DRC10: variants seen among roughly 807,000 people sequenced by gnomAD.
DRC10 encodes dynein regulatory complex subunit 10.
the DRC10 span, chr12:113,203,108 C>T: frequency 1.8e-5 from 8 of 438,306 alleles, no homozygotes; most frequent in Non-Finnish European, 3.2e-5. Context: ...TCCCTGCAAC[C>T]TCTGCCTTCT....
At chr12:113,195,591 C>T in the DRC10 span, 6 of 1,599,112 alleles carry the variant, frequency 3.8e-6, no homozygotes, top group Admixed American at 1.7e-5. Flanking sequence ...CTTGCCCTTG[C>T]CCTTCTCCTT....
the DRC10 span, among the ~76,000 whole-genome samples, chr12:113,206,745 A>G: frequency 1.3e-5 from 2 of 150,190 alleles, no homozygotes; most frequent in Admixed American, 1.3e-4. Context: ...ACACAGCAAG[A>G]CTCCATCTTA....
At chr12:113,195,565 G>C in the DRC10 span, 1 of 1,575,788 alleles carries the variant, frequency 6.3e-7, no homozygotes, top group Non-Finnish European at 8.6e-7. Flanking sequence ...GAGCGGGCTG[G>C]GTGGAGAGCT....
At chr12:113,202,576 G>C in the DRC10 span, among the ~76,000 whole-genome samples, 1 of 152,168 alleles carries the variant, frequency 6.6e-6, no homozygotes, top group Non-Finnish European at 1.5e-5. Context: ...TCTCTCTGCT[G>C]GGTGTGGCTA....
At chr12:113,205,679 G>A in the DRC10 span, among the ~76,000 whole-genome samples, 15 of 150,994 alleles carry the variant, frequency 9.9e-5, no homozygotes, top group Non-Finnish European at 1.9e-4. Flanking sequence ...CATGAGGTCA[G>A]GAGATCGAGA....
chr12:113,195,976 G>T, the DRC10 span: 1 of 1,491,086 alleles, frequency 6.7e-7, no homozygotes, highest in Non-Finnish European at 8.9e-7. Flanking sequence ...CTTCCCAAAT[G>T]GTCTTCTGCC....
At chr12:113,215,464 T>C in the DRC10 span, among the ~76,000 whole-genome samples, 1 of 152,242 alleles carries the variant, frequency 6.6e-6, no homozygotes, top group East Asian at 1.9e-4. Context: ...ATATGGTATA[T>C]GTTTTTGTAT....
chr12:113,218,859 G>A, the DRC10 span, among the ~76,000 whole-genome samples: 1 of 152,184 alleles, frequency 6.6e-6, no homozygotes, highest in Admixed American at 6.5e-5. Context: ...GAAATATCAT[G>A]AGTTATTTAT....
chr12:113,213,057 A>G, the DRC10 span, among the ~76,000 whole-genome samples: 2 of 152,050 alleles, frequency 1.3e-5, no homozygotes, highest in East Asian at 1.9e-4. Flanking sequence ...GAATATTTTG[A>G]GGAAAAAAAA....
the DRC10 span, chr12:113,195,883 A>G: frequency 1.3e-5 from 21 of 1,600,490 alleles, no homozygotes; most frequent in Non-Finnish European, 1.8e-5. Context: ...AGATCCTCCA[A>G]CTCCTCCTGG....
the DRC10 span, chr12:113,200,902 G>A: frequency 1.3e-5 from 13 of 994,924 alleles, no homozygotes; most frequent in East Asian, 3.2e-4. Flanking sequence ...ACTTAGGGAG[G>A]CTGAGGTGGG....
the DRC10 span, chr12:113,207,033 C>G: frequency 2.9e-6 from 1 of 343,786 alleles, no homozygotes; most frequent in South Asian, 2.3e-5. Flanking sequence ...GCACTCTAGC[C>G]TGGGCAACAG....
the DRC10 span, among the ~76,000 whole-genome samples, chr12:113,220,386 G>A: frequency 6.6e-6 from 1 of 152,098 alleles, no homozygotes; most frequent in Non-Finnish European, 1.5e-5. Context: ...CTCCCGAGTA[G>A]TTGGGATTAC....
the DRC10 span, chr12:113,195,796 CAA>C: frequency 6.2e-7 from 1 of 1,613,974 alleles, no homozygotes; most frequent in Non-Finnish European, 8.5e-7. Context: ...CGGATCTGCG[CAA>C]ACTCTCCCAC....
the DRC10 span, among the ~76,000 whole-genome samples, chr12:113,204,528 T>C: frequency 6.6e-6 from 1 of 152,272 alleles, no homozygotes; most frequent in East Asian, 1.9e-4. Context: ...ACATATTGTT[T>C]GTGGCTGCTT....
the DRC10 span, among the ~76,000 whole-genome samples, chr12:113,210,222 A>G: frequency 1.3e-5 from 2 of 152,184 alleles, no homozygotes; most frequent in Admixed American, 1.3e-4. Flanking sequence ...TTCATAGTAC[A>G]ATGGCTAAAA....
chr12:113,204,837 A>C, the DRC10 span, among the ~76,000 whole-genome samples: 1 of 152,114 alleles, frequency 6.6e-6, no homozygotes, highest in South Asian at 2.1e-4. Flanking sequence ...GCTGAGGCAC[A>C]AGAATCACTT....
the DRC10 span, among the ~76,000 whole-genome samples, chr12:113,206,957 G>A: frequency 6.6e-6 from 1 of 152,194 alleles, no homozygotes; most frequent in African/African-American, 2.4e-5. Flanking sequence ...CTACTTGGGA[G>A]GGTGAGATGG....
At chr12:113,206,635 G>C in the DRC10 span, among the ~76,000 whole-genome samples, 2 of 152,000 alleles carry the variant, frequency 1.3e-5, no homozygotes, top group Non-Finnish European at 2.9e-5. Flanking sequence ...GAGATCCTTT[G>C]TCTCAGTGTT....
Sources: gnomAD v4.1 joint callset for allele counts (sites outside exome capture counted in the v4.1 genomes callset) on GRCh38, gnomAD v4.1.1 for gene constraint, MANE v1.5 for transcripts, NCBI Gene and HGNC (gene_info 2026-07-23, HGNC 2026-07-21) for gene names.